Variants in TRABD2B observed in about 807,000 individuals in gnomAD.
TRABD2B encodes metalloprotease TIKI2.
In TRABD2B, 14 loss-of-function variants were observed where a neutral mutation model predicts 40.1. That is an observed-to-expected ratio of 0.35 (90% CI 0.23 to 0.55). The LOEUF is 0.55. TRABD2B is among the 20% of genes least tolerant of loss of function. TRABD2B has a pLI of 0.90. For synonymous variants in TRABD2B, 263 were observed against 277.0 expected, an observed-to-expected ratio of 0.95 and a Z score of 0.50; for missense variants, 541 against 648.6, an observed-to-expected ratio of 0.83 and a Z score of 1.80.
At chr1:47,941,816 C>A (rs1396471001) in intron 2 of TRABD2B, among the ~76,000 whole-genome samples, 1 of 152,222 alleles carries the variant, frequency 6.6e-6, no homozygotes, top group Non-Finnish European at 1.5e-5. Context: ...AGTAAGTTCA[C>A]CTCTCTGTGC....
intron 2 of TRABD2B, among the ~76,000 whole-genome samples, chr1:47,987,079 T>G (rs1348123209): frequency 6.6e-6 from 1 of 152,230 alleles, no homozygotes; most frequent in Non-Finnish European, 1.5e-5. Flanking sequence ...GACCTCTTCT[T>G]GGCTTTGAGA....
chr1:47,973,741 C>T (rs1185857047), intron 2 of TRABD2B, among the ~76,000 whole-genome samples: 1 of 152,236 alleles, frequency 6.6e-6, no homozygotes, highest in African/African-American at 2.4e-5. Flanking sequence ...GCTGGCCTCC[C>T]AGCTTTCTCT....
intron 2 of TRABD2B, among the ~76,000 whole-genome samples, chr1:47,968,133 T>C (rs1387744416): frequency 6.6e-6 from 1 of 152,238 alleles, no homozygotes; most frequent in Non-Finnish European, 1.5e-5. Flanking sequence ...CTAGAGATAC[T>C]TACATTACCT....
intron 2 of TRABD2B, among the ~76,000 whole-genome samples, chr1:47,937,321 TCACCAC>T (rs200751437): frequency 6.7e-6 from 1 of 149,154 alleles, no homozygotes; most frequent in Non-Finnish European, 1.5e-5. Context: ...ATCATCACCA[TCACCAC>T]CACCATCATG....
At chr1:47,878,532 A>G (rs1192236589) in intron 2 of TRABD2B, among the ~76,000 whole-genome samples, 1 of 152,208 alleles carries the variant, frequency 6.6e-6, no homozygotes, top group Non-Finnish European at 1.5e-5. Context: ...TCAGACGTCT[A>G]CGCATACATC....
intron 2 of TRABD2B, among the ~76,000 whole-genome samples, chr1:47,981,559 G>A (rs962858449): frequency 6.6e-6 from 1 of 152,136 alleles, no homozygotes; most frequent in Admixed American, 6.5e-5. Flanking sequence ...TCTGCAGTGA[G>A]GCACCTCTCT....
intron 2 of TRABD2B, among the ~76,000 whole-genome samples, chr1:47,853,736 G>T (rs1557614788): frequency 6.6e-6 from 1 of 152,128 alleles, no homozygotes; most frequent in African/African-American, 2.4e-5. Context: ...CTGTCAATCT[G>T]TCTTCTTCTC....
At chr1:47,983,384 G>A (rs768281770) in intron 2 of TRABD2B, among the ~76,000 whole-genome samples, 4 of 152,052 alleles carry the variant, frequency 2.6e-5, no homozygotes, top group South Asian at 2.1e-4. Context: ...ACTGGGTACC[G>A]GGCTTAATAC....
At chr1:47,809,406 G>A (rs868113067) in intron 2 of TRABD2B, among the ~76,000 whole-genome samples, 3 of 152,178 alleles carry the variant, frequency 2.0e-5, no homozygotes, top group South Asian at 2.1e-4. Context: ...CAAGTGAGTC[G>A]CCCGTCACAG....
At chr1:47,898,236 G>C (rs1340517808) in intron 2 of TRABD2B, among the ~76,000 whole-genome samples, 1 of 152,198 alleles carries the variant, frequency 6.6e-6, no homozygotes, top group Non-Finnish European at 1.5e-5. Context: ...ACAATGGCAA[G>C]AAAAACAGTC....
chr1:47,848,772 G>GAC (rs1367583517), intron 2 of TRABD2B, among the ~76,000 whole-genome samples: 1 of 152,174 alleles, frequency 6.6e-6, no homozygotes, highest in East Asian at 1.9e-4. Flanking sequence ...CACAGCAAAG[G>GAC]AATAATGGGA....
intron 2 of TRABD2B, among the ~76,000 whole-genome samples, chr1:47,830,407 G>A (rs568759373): frequency 1.3e-5 from 2 of 152,246 alleles, no homozygotes; most frequent in Non-Finnish European, 2.9e-5. Flanking sequence ...AAGTGACTTC[G>A]TAAGTTCACT....
At chr1:47,928,284 A>G (rs539341197) in intron 2 of TRABD2B, among the ~76,000 whole-genome samples, 1 of 152,380 alleles carries the variant, frequency 6.6e-6, no homozygotes, top group East Asian at 1.9e-4. Context: ...TGCCTCTGCC[A>G]TAACATACCC....
chr1:47,968,338 G>A (rs1399718074), intron 2 of TRABD2B, among the ~76,000 whole-genome samples: 1 of 152,062 alleles, frequency 6.6e-6, no homozygotes, highest in East Asian at 1.9e-4. Flanking sequence ...CTGCTCCTAC[G>A]ACAACCACTA....
intron 5 of TRABD2B, among the ~76,000 whole-genome samples, chr1:47,775,981 C>T (rs534599519): frequency 6.6e-6 from 1 of 152,100 alleles, no homozygotes; most frequent in East Asian, 1.9e-4. Flanking sequence ...TATTCAACAA[C>T]TCTGGCTGAG....
At chr1:47,962,215 G>A (rs1025337380) in intron 2 of TRABD2B, among the ~76,000 whole-genome samples, 5 of 151,794 alleles carry the variant, frequency 3.3e-5, no homozygotes, top group African/African-American at 9.7e-5. Context: ...GCCTGTTGTG[G>A]GGTGGGGGGA....
chr1:47,855,932 T>C (rs1438587210), intron 2 of TRABD2B, among the ~76,000 whole-genome samples: 3 of 152,246 alleles, frequency 2.0e-5, no homozygotes, highest in Admixed American at 6.5e-5. Flanking sequence ...AGCTATCCAG[T>C]TGGTGATATT....
intron 5 of TRABD2B, among the ~76,000 whole-genome samples, chr1:47,777,955 G>A (rs918913699): frequency 6.6e-6 from 1 of 152,200 alleles, no homozygotes; most frequent in Non-Finnish European, 1.5e-5. Flanking sequence ...TTTGAGCAGG[G>A]TGGGTATGCC....
intron 2 of TRABD2B, among the ~76,000 whole-genome samples, chr1:47,979,505 G>A (rs1157397613): frequency 6.6e-6 from 1 of 152,166 alleles, no homozygotes. Context: ...CCCACCAAGG[G>A]GGCTGAGCGA....
Sources: allele counts gnomAD v4.1 joint callset (sites outside exome capture counted in the v4.1 genomes callset), GRCh38; gene constraint gnomAD v4.1.1; transcripts MANE v1.5; gene names NCBI Gene and HGNC (gene_info 2026-07-23, HGNC 2026-07-21).